BICRA: variants seen among roughly 807,000 people sequenced by gnomAD.
BICRA encodes the protein BRD4-interacting chromatin-remodeling complex-associated protein.
In BICRA, 31 loss-of-function variants were observed where a neutral mutation model predicts 96.9. The observed-to-expected ratio is 0.32, with a 90% CI of 0.24 to 0.43. The LOEUF is 0.43. BICRA is among the 20% of genes least tolerant of loss of function. The probability of loss-of-function intolerance (pLI) is 1.00; values close to 1 mark genes in which losing one functional copy is unlikely to be tolerated. For synonymous variants in BICRA, 1,350 were observed against 1,071.8 expected (o/e 1.26, Z -5.07); for missense variants, 2,283 against 2,190.3 (o/e 1.04, Z -0.84).
intron 1 of BICRA, among the ~76,000 whole-genome samples, chr19:47,660,130 G>T (rs1052038154): frequency 6.6e-6 from 1 of 152,092 alleles, no homozygotes; most frequent in Non-Finnish European, 1.5e-5. Context: ...CAAAATGAGG[G>T]TGTTAGCAGG....
At chr19:47,668,184 C>T (rs1259678105) in intron 1 of BICRA, among the ~76,000 whole-genome samples, 1 of 152,174 alleles carries the variant, frequency 6.6e-6, no homozygotes, top group African/African-American at 2.4e-5. Flanking sequence ...GAGCCGAGAT[C>T]GCGTCATTGC....
intron 1 of BICRA, among the ~76,000 whole-genome samples, chr19:47,666,301 T>C (rs909564692): frequency 6.6e-6 from 1 of 151,820 alleles, no homozygotes; most frequent in Non-Finnish European, 1.5e-5. Flanking sequence ...TTTCTTCTTT[T>C]TTTTTTTGAG....
chr19:47,619,211 T>TATAC (rs10689650), intron 1 of BICRA, among the ~76,000 whole-genome samples: 6 of 140,818 alleles, frequency 4.3e-5, no homozygotes, highest in African/African-American at 1.6e-4. Flanking sequence ...CATATATATA[T>TATAC]ACACATTTTT....
At chr19:47,663,294 A>AG (rs1165136606) in intron 1 of BICRA, 1 of 152,300 alleles carries the variant, frequency 6.6e-6, no homozygotes, top group Non-Finnish European at 1.5e-5. Context: ...AGGCTGAGGC[A>AG]GGAGTCACTT....
intron 7 of BICRA, among the ~76,000 whole-genome samples, chr19:47,691,495 C>G (rs1014507814): frequency 6.6e-6 from 1 of 152,164 alleles, no homozygotes; most frequent in Non-Finnish European, 1.5e-5. Context: ...ACACTTTTTT[C>G]TGAATCAGTT....
intron 5 of BICRA, among the ~76,000 whole-genome samples, chr19:47,676,472 A>G (rs1346423972): frequency 6.6e-6 from 1 of 151,984 alleles, no homozygotes; most frequent in Non-Finnish European, 1.5e-5. Context: ...ACTAAGTGCC[A>G]GTTGTCCACA....
intron 1 of BICRA, among the ~76,000 whole-genome samples, chr19:47,656,106 A>ACACACACACT (rs1972613867): frequency 7.7e-6 from 1 of 129,706 alleles, no homozygotes; most frequent in African/African-American, 2.9e-5. Flanking sequence ...ACACACACAC[A>ACACACACACT]CACACTCTGA....
chr19:47,667,880 G>A (rs923779191), intron 1 of BICRA, among the ~76,000 whole-genome samples: 4 of 152,154 alleles, frequency 2.6e-5, no homozygotes, highest in Admixed American at 6.5e-5. Context: ...GGAGAGGGTC[G>A]CCTGTTGGGT....
intron 11 of BICRA, among the ~76,000 whole-genome samples, chr19:47,697,011 A>AT (rs1973355197): frequency 6.6e-6 from 1 of 150,906 alleles, no homozygotes; most frequent in South Asian, 2.1e-4. Flanking sequence ...GTTTTGTTTT[A>AT]GGGGGGGTTC....
At chr19:47,625,387 CTT>C (rs1972125743) in intron 1 of BICRA, among the ~76,000 whole-genome samples, 1 of 150,974 alleles carries the variant, frequency 6.6e-6, no homozygotes, top group African/African-American at 2.4e-5. Context: ...GCCTCCAACT[CTT>C]TTGGGGCCAC....
At position 47,701,283 on chromosome 19, in the gene BICRA, G is replaced by A. The variant is rs767993381; in HGVS notation, c.3596-45G>A. 2.1e-6 allele frequency: 3 copies of A among 1,420,242 alleles called. No homozygotes were observed. The highest frequency in any genetic ancestry group is 2.3e-5 in the East Asian group (1 of 43,618). The allele number at this position is 1,420,242 out of a possible 1,614,324, so 88.0% of individuals were successfully genotyped here. On this transcript the variant is annotated intron_variant, in intron 14 of 14. Transcript: ENST00000594866. This position sits in a 1 kb window ranked among gnomAD's most constrained non-coding sequence, Gnocchi z 5.4. The stretch of plus-strand genomic sequence containing the variant: ...CAGCTCCTCCCAGCTCGGTCGGGGG[G>A]TCCTCATCCTAACCCCGCGGGTTTT...
chr19:47,693,166 T>C (rs1973266026), intron 7 of BICRA, among the ~76,000 whole-genome samples: 1 of 152,232 alleles, frequency 6.6e-6, no homozygotes, highest in Non-Finnish European at 1.5e-5. Flanking sequence ...CAGCCCAGTG[T>C]TGGGTGCACA....
In BICRA at chr19:47,680,873, C is replaced by T. The variant is rs1973037651; in HGVS notation, c.1703C>T (p.Thr568Met). ...TCGCTGGCGGCGGGCAGCCTGCCCA[C>T]GCAGAGCCAGCCAGCGCCCGCCGGG... is the stretch of plus-strand genomic sequence containing the variant. The part of the protein sequence containing the change: ...PVSLAAGSLP[T>M]QSQPAPAGPA... The change falls in exon 6 of 15, where the codon ACG (threonine) becomes ATG (methionine). Residue 568 changes from threonine (T) to methionine (M), a missense_variant. Thr to Met is a moderately conservative substitution (Grantham distance 81). Coordinates refer to ENST00000594866, the MANE Select transcript of BICRA (RefSeq NM_001394372.1). 7 of 1,520,402 alleles carry T rather than the reference C, an allele frequency of 4.6e-6. No homozygotes were observed. Among genetic ancestry groups the T allele is most frequent in the Non-Finnish European group, 6.1e-6 (7 of 1,144,796 alleles). The allele number at this position is 1,520,402 out of a possible 1,614,324, so 94.2% of individuals were successfully genotyped here. A position where few individuals can be genotyped will look rare whatever the true frequency, so the allele number is the denominator to read the frequency against.
At chr19:47,666,396 C>T (rs1050530241) in intron 1 of BICRA, among the ~76,000 whole-genome samples, 1 of 151,980 alleles carries the variant, frequency 6.6e-6, no homozygotes, top group Non-Finnish European at 1.5e-5. Flanking sequence ...TCTCCTGCCT[C>T]AGCCTGCGGA....
At chr19:47,630,281 C>G (rs990642105) in intron 1 of BICRA, among the ~76,000 whole-genome samples, 8 of 151,854 alleles carry the variant, frequency 5.3e-5, no homozygotes, top group African/African-American at 1.7e-4. Context: ...CTGCCTCAGC[C>G]TTCTGAGTAG....
intron 1 of BICRA, among the ~76,000 whole-genome samples, chr19:47,622,462 C>T (rs58134227): frequency 1.6e-4 from 23 of 145,388 alleles, no homozygotes; most frequent in Middle Eastern, 3.8e-3. Flanking sequence ...TGGTGGCTCA[C>T]GCCTGTAATC....
At chr19:47,647,623 G>T (rs1972479638) in intron 1 of BICRA, among the ~76,000 whole-genome samples, 1 of 152,088 alleles carries the variant, frequency 6.6e-6, no homozygotes, top group African/African-American at 2.4e-5. Flanking sequence ...CTTGGCACGT[G>T]TGTGTGGCCC....
intron 7 of BICRA, among the ~76,000 whole-genome samples, chr19:47,683,589 CTT>C (rs11448897): frequency 2.8e-5 from 4 of 144,572 alleles, no homozygotes. Context: ...GGGCTACGTT[CTT>C]TTTTTTTTTT....
intron 1 of BICRA, among the ~76,000 whole-genome samples, chr19:47,625,614 G>T (rs564462936): frequency 6.6e-6 from 1 of 152,118 alleles, no homozygotes; most frequent in African/African-American, 2.4e-5. Context: ...TTTGGATTGG[G>T]TTTTTGAGTT....
Sources: gnomAD v4.1 joint callset for allele counts (sites outside exome capture counted in the v4.1 genomes callset) on GRCh38, gnomAD v4.1.1 for gene constraint, Gnocchi (gnomAD v3.1) non-coding constraint, MANE v1.5 for transcripts, NCBI Gene and HGNC (gene_info 2026-07-23, HGNC 2026-07-21) for gene names.